The following FOXO1 variants were observed in gnomAD, a reference collection of about 807,000 sequenced individuals.
FOXO1 encodes forkhead box O1, also known as forkhead box protein O1.
In FOXO1, 6 loss-of-function variants were observed where a neutral mutation model predicts 44.1. The observed-to-expected ratio is 0.14, with a 90% CI of 0.07 to 0.27. FOXO1 has a LOEUF of 0.27. Ranked by LOEUF, FOXO1 falls within the 10% of genes least tolerant of loss-of-function variation. FOXO1 has a pLI of 1.00. For synonymous variants in FOXO1, 380 were observed against 362.7 expected (o/e 1.05, Z -0.54); for missense variants, 737 against 888.8 (o/e 0.83, Z 2.17).
intron 1 of FOXO1, among the ~76,000 whole-genome samples, chr13:40,591,748 C>A (rs1015979764): frequency 2.0e-5 from 3 of 152,168 alleles, no homozygotes; most frequent in African/African-American, 7.2e-5. Flanking sequence ...ATCGCCCAGG[C>A]TAGAGTGAGG....
Position 40,558,810 on chromosome 13 carries a change from GCA to G in FOXO1, c.*237_*238del, listed in dbSNP as rs1367749457. The G allele has an allele frequency of 1.3e-5, 5 of 398,790 alleles. No individual in the cohort carries two copies. Among genetic ancestry groups the G allele is most frequent in the African/African-American group, 1.0e-4 (5 of 48,600 alleles). The allele number at this position is 398,790 out of a possible 1,614,324, so 24.7% of individuals were successfully genotyped here. A position where few individuals can be genotyped will look rare whatever the true frequency, so the allele number is the denominator to read the frequency against. ...CTTCATTGTAATGAAATTTCCAATG[GCA>G]CAGTCCTTATCTACAGCAGCACATA... On this transcript the variant is annotated 3_prime_UTR_variant, in exon 3 of 3. Transcript: ENST00000379561.
At position 40,665,904 on chromosome 13, in the gene FOXO1, G is replaced by A. The variant is rs1388578878; in HGVS notation, c.309C>T (p.Thr103=). Residue 103 remains threonine, a synonymous_variant, in exon 1 of 3, where the codon ACC becomes ACT. Coordinates refer to ENST00000379561, the MANE Select transcript of FOXO1 (RefSeq NM_002015.4). ...CCTGGAAGTCCCCGCACAGCCCCCC[G>A]GTGGCGGCCGCGGCGGCCGCCGCCG... The part of the protein sequence containing the change: ...AVAAAAAAAA[T]GGLCGDFQGP... The A allele has an allele frequency of 1.6e-5, 19 of 1,177,222 alleles. No homozygotes were observed. The highest frequency in any genetic ancestry group is 6.8e-4 in the Middle Eastern group (2 of 2,944). The allele number at this position is 1,177,222 out of a possible 1,614,324, so 72.9% of individuals were successfully genotyped here. A position where few individuals can be genotyped will look rare whatever the true frequency, so the allele number is the denominator to read the frequency against.
chr13:40,596,780 C>T (rs1279184900), intron 1 of FOXO1, among the ~76,000 whole-genome samples: 3 of 152,204 alleles, frequency 2.0e-5, no homozygotes, highest in African/African-American at 7.2e-5. Context: ...TCACTGATAA[C>T]TCTTGATTTC....
At position 40,643,468 on chromosome 13, in the gene FOXO1, G is replaced by A. The variant is rs147736904; in HGVS notation, c.630+22115C>T. 2.0e-5 allele frequency among the ~76,000 whole-genome samples: 3 copies of A among 152,050 alleles called. No homozygotes were observed. In the East Asian group the frequency reaches 5.8e-4, roughly 29 times the overall value. On this transcript the variant is annotated intron_variant, in intron 1 of 2. Transcript: ENST00000379561. ...CTCCCGAGTACAGCTATACAGTAGA[G>A]CCTAAGATACTTCACATAATTGAAA...
chr13:40,618,691 T>C, intron 1 of FOXO1: 2 of 394,734 alleles, frequency 5.1e-6, no homozygotes, highest in Middle Eastern at 1.0e-3. Context: ...CCATGGCATA[T>C]GTTAAAAGCA....
chr13:40,586,454 A>G (rs1022620330), intron 1 of FOXO1, among the ~76,000 whole-genome samples: 1 of 152,216 alleles, frequency 6.6e-6, no homozygotes, highest in East Asian at 1.9e-4. Flanking sequence ...AATCCCATCA[A>G]GAACACCTAC....
At chr13:40,640,447 T>C (rs1877310216) in intron 1 of FOXO1, among the ~76,000 whole-genome samples, 1 of 152,206 alleles carries the variant, frequency 6.6e-6, no homozygotes, top group Admixed American at 6.5e-5. Context: ...ATGAGGGCGC[T>C]CCTGGGCGCT....
intron 1 of FOXO1, among the ~76,000 whole-genome samples, chr13:40,578,422 CATT>C (rs941864749): frequency 6.6e-6 from 1 of 152,120 alleles, no homozygotes; most frequent in Non-Finnish European, 1.5e-5. Flanking sequence ...CTTATAGTGA[CATT>C]ATGACAAAGA....
intron 1 of FOXO1, among the ~76,000 whole-genome samples, chr13:40,658,001 C>CA (rs1877910886): frequency 6.6e-6 from 1 of 152,134 alleles, no homozygotes; most frequent in African/African-American, 2.4e-5. Flanking sequence ...TTCCTAACAA[C>CA]ATATTTACAA....
In FOXO1 at chr13:40,665,675, G is replaced by T. The variant is rs1307482863; in HGVS notation, c.538C>A (p.Arg180=). The change falls in exon 1 of 3, where the codon CGG becomes AGG. Residue 180 remains arginine (R), a synonymous_variant. Coordinates refer to ENST00000379561, the MANE Select transcript of FOXO1 (RefSeq NM_002015.4). ...TCGTAGATCTGCGACAGCGTGAGCC[G>T]CTTCTCCGCCGAGCTCTCGATGGCC... ...TKAIESSAEK[R]LTLSQIYEWM... The T allele has an allele frequency of 6.5e-7, 1 of 1,541,886 alleles. No individual in the cohort carries two copies. The highest frequency in any genetic ancestry group is 8.8e-7 in the Non-Finnish European group (1 of 1,139,010).
At chr13:40,592,691 A>C (rs1037477279) in intron 1 of FOXO1, among the ~76,000 whole-genome samples, 2 of 152,202 alleles carry the variant, frequency 1.3e-5, no homozygotes, top group African/African-American at 2.4e-5. Context: ...CAGTCAGGAA[A>C]CCAGACTTTT....
intron 1 of FOXO1, among the ~76,000 whole-genome samples, chr13:40,562,121 A>AT (rs1038808966): frequency 2.6e-5 from 4 of 151,608 alleles, no homozygotes; most frequent in Non-Finnish European, 4.4e-5. Context: ...GCCAAAAGAA[A>AT]TTTTTTTTTA....
intron 1 of FOXO1, among the ~76,000 whole-genome samples, chr13:40,641,145 G>A (rs1004621975): frequency 4.6e-5 from 7 of 152,054 alleles, no homozygotes; most frequent in African/African-American, 1.2e-4. Flanking sequence ...TCCATTCCCC[G>A]TAAAAGGAGG....
In FOXO1 at chr13:40,558,853, G is replaced by A. The variant is rs1873860241; in HGVS notation, c.*196C>T. 2 of 398,396 alleles carry A rather than the reference G, an allele frequency of 5.0e-6. No individual in the cohort carries two copies. Among genetic ancestry groups the A allele is most frequent in the African/African-American group, 4.1e-5 (2 of 48,448 alleles). The allele number at this position is 398,396 out of a possible 1,614,324, so 24.7% of individuals were successfully genotyped here. Reference sequence around the variant, plus strand: ...GCAGCACATAACCTGCACACATTGGGCAAACATCCTGTACAGGAAAAATGT... The same window carrying A: ...GCAGCACATAACCTGCACACATTGGACAAACATCCTGTACAGGAAAAATGT... On this transcript the variant is annotated 3_prime_UTR_variant, in exon 3 of 3. Transcript: ENST00000379561.
At chr13:40,652,344 G>A (rs988050840) in intron 1 of FOXO1, among the ~76,000 whole-genome samples, 5 of 149,128 alleles carry the variant, frequency 3.4e-5, no homozygotes, top group African/African-American at 7.5e-5. Flanking sequence ...GGAGTGTAGC[G>A]GCAAGATCTC....
At chr13:40,597,804 G>A (rs928705447) in intron 1 of FOXO1, among the ~76,000 whole-genome samples, 2 of 152,160 alleles carry the variant, frequency 1.3e-5, no homozygotes, top group African/African-American at 4.8e-5. Flanking sequence ...AGCTCAAAGG[G>A]CCTTTTCAAA....
At chr13:40,610,698 A>C (rs1347672533) in intron 1 of FOXO1, among the ~76,000 whole-genome samples, 1 of 152,214 alleles carries the variant, frequency 6.6e-6, no homozygotes, top group Non-Finnish European at 1.5e-5. Context: ...AAAGCTCTAT[A>C]CTACAATCCA....
At chr13:40,591,904 A>G (rs1875387369) in intron 1 of FOXO1, among the ~76,000 whole-genome samples, 1 of 152,114 alleles carries the variant, frequency 6.6e-6, no homozygotes, top group South Asian at 2.1e-4. Context: ...ACAGGGTCTC[A>G]TGATGTTGGT....
At chr13:40,658,384 G>C (rs1372888566) in intron 1 of FOXO1, among the ~76,000 whole-genome samples, 1 of 152,168 alleles carries the variant, frequency 6.6e-6, no homozygotes, top group Non-Finnish European at 1.5e-5. Flanking sequence ...GAAAACTAGG[G>C]AAAGAACTAA....
Sources: allele counts gnomAD v4.1 joint callset (sites outside exome capture counted in the v4.1 genomes callset), GRCh38; gene constraint gnomAD v4.1.1; transcripts MANE v1.5; gene names NCBI Gene and HGNC (gene_info 2026-07-23, HGNC 2026-07-21).